The following MROH7 variants were observed in gnomAD, a reference collection of about 807,000 sequenced individuals.
The protein encoded by MROH7 is maestro heat-like repeat-containing protein family member 7.
MROH7 carries 113 observed loss-of-function variants against 129.2 expected under a neutral mutation model. The observed-to-expected ratio is 0.87, with a 90% CI of 0.75 to 1.02. MROH7 has a LOEUF of 1.02. Among genes scored for constraint, MROH7 ranks in the 50% least tolerant of loss-of-function variants. MROH7 has a pLI of 0.00. For missense variants in MROH7, 1,601 were observed against 1,671.3 expected (o/e 0.96, Z 0.73); for synonymous variants, 655 against 667.9 (o/e 0.98, Z 0.30).
intron 15 of MROH7, among the ~76,000 whole-genome samples, chr1:54,688,232 A>AT (rs903515362): frequency 0.12 from 15,241 of 132,268 alleles, 1,208 homozygotes; most frequent in African/African-American, 0.23. Flanking sequence ...AAAAAAAAAA[A>AT]TTTTTTTTTT....
chr1:54,684,567 G>A (rs115783884), intron 14 of MROH7, among the ~76,000 whole-genome samples: 366 of 152,348 alleles, frequency 2.4e-3, no homozygotes, highest in African/African-American at 8.1e-3. Context: ...CTGATAAATC[G>A]TTTGAGCAAG....
rs200088868 is a variant in MROH7 at position 54,673,146 on chromosome 1, T to A, written c.1655T>A (p.Ile552Asn). The part of the protein sequence containing the change: ...ALQTLLKALF[I>N]EDPTPAGLKS... Reference sequence around the variant, plus strand: ...CAGACACTGCTCAAAGCCCTCTTTATCGAGGACCCCACTCCTGCTGGGCTG... The same window carrying A: ...CAGACACTGCTCAAAGCCCTCTTTAACGAGGACCCCACTCCTGCTGGGCTG... Residue 552 changes from isoleucine (I) to asparagine (N), a missense_variant, in exon 8 of 24, where the codon ATC (isoleucine) becomes AAC (asparagine). Coordinates refer to ENST00000421030, the MANE Select transcript of MROH7 (RefSeq NM_001039464.4). 119 of 1,613,922 alleles carry A rather than the reference T, an allele frequency of 7.4e-5. No homozygotes were observed. In the African/African-American group the frequency reaches 1.4e-3, roughly 20 times the overall value.
intron 1 of MROH7, among the ~76,000 whole-genome samples, chr1:54,645,181 T>C (rs1450054111): frequency 6.6e-6 from 1 of 152,196 alleles, no homozygotes; most frequent in East Asian, 1.9e-4. Flanking sequence ...TCAGTGTTAA[T>C]GTTGGTTGGT....
chr1:54,669,724 G>C (rs1045828982), intron 5 of MROH7, among the ~76,000 whole-genome samples: 3 of 152,216 alleles, frequency 2.0e-5, no homozygotes, highest in African/African-American at 7.2e-5. Context: ...ATTTGGCCAG[G>C]TGTGGTGGCT....
chr1:54,644,831 C>T (rs1237466898), intron 1 of MROH7, among the ~76,000 whole-genome samples: 14 of 146,400 alleles, frequency 9.6e-5, no homozygotes, highest in African/African-American at 2.0e-4. Flanking sequence ...GAGATGGAGT[C>T]GCACTCTGTC....
intron 1 of MROH7, among the ~76,000 whole-genome samples, chr1:54,646,515 C>G (rs767909408): frequency 1.3e-5 from 2 of 152,214 alleles, no homozygotes; most frequent in Non-Finnish European, 2.9e-5. Flanking sequence ...TAGTCAGTCA[C>G]TGCCTTCTTT....
intron 15 of MROH7, among the ~76,000 whole-genome samples, chr1:54,691,876 T>C (rs866374652): frequency 3.0e-4 from 40 of 134,916 alleles, no homozygotes; most frequent in African/African-American, 9.3e-4. Flanking sequence ...TCTCTCTCTC[T>C]CCTCCCCCCC....
intron 3 of MROH7, among the ~76,000 whole-genome samples, chr1:54,664,488 C>T (rs535786126): frequency 6.6e-6 from 1 of 152,284 alleles, no homozygotes; most frequent in African/African-American, 2.4e-5. Flanking sequence ...GAGGGAACCA[C>T]CGTGCAAAGG....
intron 17 of MROH7, chr1:54,699,161 T>C (rs866435833): frequency 8.8e-6 from 1 of 113,502 alleles, no homozygotes; most frequent in South Asian, 3.0e-4. Flanking sequence ...TTTCTTTCTT[T>C]TCTTTCTTTC....
chr1:54,643,566 G>A (rs972827088), intron 1 of MROH7, among the ~76,000 whole-genome samples: 4 of 152,230 alleles, frequency 2.6e-5, no homozygotes, highest in Admixed American at 6.5e-5. Flanking sequence ...TGCAAAAGTC[G>A]CTTAGGAGAG....
intron 3 of MROH7, among the ~76,000 whole-genome samples, chr1:54,662,167 C>A (rs1000584967): frequency 6.6e-6 from 1 of 152,162 alleles, no homozygotes; most frequent in African/African-American, 2.4e-5. Flanking sequence ...CTACAGTCAG[C>A]CATGATTGCA....
At chr1:54,682,978 T>C (rs1481577643) in intron 14 of MROH7, among the ~76,000 whole-genome samples, 184 bp downstream of exon 14, 1 of 152,200 alleles carries the variant, frequency 6.6e-6, no homozygotes, top group African/African-American at 2.4e-5. Context: ...ACAGTAGTGT[T>C]GTCTATGGTG....
chr1:54,707,975 A>G (rs1409369998), intron 22 of MROH7, among the ~76,000 whole-genome samples: 1 of 152,222 alleles, frequency 6.6e-6, no homozygotes, highest in Non-Finnish European at 1.5e-5. Context: ...CAAGTAAAAT[A>G]CAATGTGGTA....
At position 54,646,814 on chromosome 1, in the gene MROH7, A is replaced by G. The variant is rs145572158; in HGVS notation, c.-110+4846A>G. Among the ~76,000 whole-genome samples, 60 of 152,290 alleles carry G rather than the reference A, an allele frequency of 3.9e-4. No individual in the cohort carries two copies. In the East Asian group the frequency reaches 6.0e-3, roughly 15 times the overall value. On this transcript the variant is annotated intron_variant, in intron 1 of 23. Coordinates refer to ENST00000421030, the MANE Select transcript of MROH7 (RefSeq NM_001039464.4). ...TTCCCTGCTTTCCCCTTCCCCTGGC[A>G]ACCTCTCTCTGTCCTGCTTTAATCT...
At chr1:54,649,275 G>A (rs1276852271) in intron 1 of MROH7, among the ~76,000 whole-genome samples, 2 of 152,268 alleles carry the variant, frequency 1.3e-5, no homozygotes, top group East Asian at 3.8e-4. Context: ...GTCTTAGACA[G>A]CACTAGTTGT....
At chr1:54,642,607 A>C (rs1644405139) in intron 1 of MROH7, among the ~76,000 whole-genome samples, 1 of 152,122 alleles carries the variant, frequency 6.6e-6, no homozygotes, top group African/African-American at 2.4e-5. Flanking sequence ...CTTGGGAATT[A>C]GTAGAAATCA....
chr1:54,673,991 A>G (rs201330751), intron 9 of MROH7, 25 bp from the exon 10 acceptor site: 85 of 1,612,622 alleles, frequency 5.3e-5, no homozygotes, highest in Admixed American at 1.2e-4. Flanking sequence ...ATAACACTCA[A>G]TCCCTAAGAT....
At chr1:54,702,061 AC>A in intron 19 of MROH7, 28 bp from the exon 20 acceptor site, 1 of 1,531,436 alleles carries the variant, frequency 6.5e-7, no homozygotes, top group East Asian at 2.4e-5. Flanking sequence ...CAGAGGAGGG[AC>A]CCCCTCTGAG....
intron 15 of MROH7, among the ~76,000 whole-genome samples, chr1:54,690,529 CG>C (rs1445476664): frequency 6.6e-6 from 1 of 151,228 alleles, no homozygotes; most frequent in Non-Finnish European, 1.5e-5. Context: ...CTGCAAACTC[CG>C]CCTCCCGGGT....
Sources: gnomAD v4.1 joint callset for allele counts (sites outside exome capture counted in the v4.1 genomes callset) on GRCh38, gnomAD v4.1.1 for gene constraint, MANE v1.5 for transcripts, NCBI Gene and HGNC (gene_info 2026-07-23, HGNC 2026-07-21) for gene names.